Variants in WNT2B observed in about 807,000 individuals in gnomAD.
The protein encoded by WNT2B is protein Wnt-2b.
A neutral mutation model predicts 40.5 loss-of-function variants in WNT2B; 19 were observed. That is an observed-to-expected ratio of 0.47 (90% CI 0.33 to 0.69). WNT2B has a LOEUF of 0.69. Among genes scored for constraint, WNT2B ranks in the 30% least tolerant of loss-of-function variants. The pLI is 0.02. For synonymous variants in WNT2B, 220 were observed against 211.9 expected, an observed-to-expected ratio of 1.04 and a Z score of -0.33; for missense variants, 467 against 556.4, an observed-to-expected ratio of 0.84 and a Z score of 1.62.
chr1:112,466,925 A>C (rs1650726306), exon 1 of WNT2B: 1 of 152,456 alleles, frequency 6.6e-6, no homozygotes, highest in African/African-American at 2.4e-5. Flanking sequence ...TGTGATAGGC[A>C]CTAGGATAGA....
chr1:112,489,748 G>A (rs934035501), intron 1 of WNT2B, among the ~76,000 whole-genome samples: 4 of 151,758 alleles, frequency 2.6e-5, no homozygotes, highest in African/African-American at 9.7e-5. Context: ...GCCAATTCAA[G>A]CTGAAGTTTT....
intron 1 of WNT2B, among the ~76,000 whole-genome samples, chr1:112,476,973 T>C (rs1259643595): frequency 2.0e-5 from 3 of 152,120 alleles, no homozygotes; most frequent in Non-Finnish European, 4.4e-5. Flanking sequence ...CTGTTCTGTG[T>C]GCAACCAAGC....
rs1164973390 is a variant in WNT2B at position 112,475,824 on chromosome 1, C to T, written c.-95+8233C>T. On this transcript the variant is annotated intron_variant, in intron 1 of 4. Transcript: ENST00000256640. Reference sequence around the variant, plus strand: ...GATTTAAGCTAACTATATGAATAATCGCTTACAATTTAAATAGCCTAAACA... The same window carrying T: ...GATTTAAGCTAACTATATGAATAATTGCTTACAATTTAAATAGCCTAAACA... 5.3e-5 allele frequency among the ~76,000 whole-genome samples: 8 copies of T among 152,114 alleles called. 1 individual carries two copies. In the South Asian group the frequency reaches 6.2e-4, roughly 12 times the overall value.
At chr1:112,474,312 A>AT (rs34850561) in intron 1 of WNT2B, among the ~76,000 whole-genome samples, 111 of 150,598 alleles carry the variant, frequency 7.4e-4, no homozygotes, top group Middle Eastern at 3.4e-3. Context: ...CATCTGACTG[A>AT]TTTTTTTTTG....
At chr1:112,519,871 T>G (rs1053262579) in intron 4 of WNT2B, among the ~76,000 whole-genome samples, 1 of 130,390 alleles carries the variant, frequency 7.7e-6, no homozygotes, top group Non-Finnish European at 1.7e-5. Context: ...AGCCCATGCT[T>G]CTTTTTTTTT....
chr1:112,493,535 T>C (rs1651669921), intron 1 of WNT2B, among the ~76,000 whole-genome samples: 1 of 151,906 alleles, frequency 6.6e-6, no homozygotes, highest in Non-Finnish European at 1.5e-5. Context: ...GATGAGAGGA[T>C]CACTTGAGCC....
In WNT2B at chr1:112,517,270, C is replaced by A; in HGVS notation, c.831C>A (p.Ala277=). The A allele has an allele frequency of 6.2e-7, 1 of 1,614,220 alleles. No individual in the cohort carries two copies. The highest frequency in any genetic ancestry group is 8.5e-7 in the Non-Finnish European group (1 of 1,180,038). The change falls in exon 4 of 5, where the codon GCC becomes GCA. Residue 277 remains alanine (A), a synonymous_variant. Coordinates refer to ENST00000369684, the MANE Select transcript of WNT2B (RefSeq NM_024494.3). ...RRYDGAVQVM[A]TQDGANFTAA... The stretch of plus-strand genomic sequence containing the variant: ...ATGATGGGGCTGTGCAGGTGATGGC[C>A]ACCCAAGATGGTGCCAACTTCACCG...
intron 1 of WNT2B, among the ~76,000 whole-genome samples, chr1:112,480,250 C>A (rs1024440108): frequency 1.1e-4 from 16 of 151,374 alleles, no homozygotes; most frequent in Non-Finnish European, 1.5e-5. Context: ...ACTTATAATG[C>A]CAGTTACTTG....
In WNT2B at chr1:112,495,315, G is replaced by A. The variant is rs185950364; in HGVS notation, c.-94-19559G>A. Among the ~76,000 whole-genome samples, 791 of 152,026 alleles carry A rather than the reference G, an allele frequency of 5.2e-3. 9 individuals carry two copies. The highest frequency in any genetic ancestry group is 0.031 in the Middle Eastern group (9 of 294). On this transcript the variant is annotated intron_variant, in intron 1 of 4. Transcript: ENST00000256640. The stretch of plus-strand genomic sequence containing the variant: ...CTATAGGCCAGGCGTGGTGGCTCAC[G>A]TCTGTAATCCCAGCACTTTGGGAGG...
At position 112,520,600 on chromosome 1, in the gene WNT2B, C is replaced by G. The variant is rs1286814123; in HGVS notation, c.*91C>G. ...ATGCACACCTTCCTCCACCCTCCAC[C>G]CTGGGCTGCTACCGCTTCTATTTAA... On this transcript the variant is annotated 3_prime_UTR_variant, in exon 5 of 5. Transcript: ENST00000369684. The G allele has an allele frequency of 5.3e-6, 7 of 1,310,564 alleles. No individual in the cohort carries two copies. In the African/African-American group the frequency reaches 1.0e-4, roughly 19 times the overall value. 81.2% of individuals were successfully genotyped at this position (1,310,564 alleles called of 1,614,324 possible). A position where few individuals can be genotyped will look rare whatever the true frequency, so the allele number is the denominator to read the frequency against.
chr1:112,468,277 A>G (rs1570756483), intron 1 of WNT2B, among the ~76,000 whole-genome samples: 2 of 152,328 alleles, frequency 1.3e-5, no homozygotes, highest in South Asian at 4.1e-4. Context: ...GAACGCAGGC[A>G]TCCCTTTGAT....
chr1:112,502,491 AG>A (rs1424346295), intron 1 of WNT2B, among the ~76,000 whole-genome samples: 2 of 152,252 alleles, frequency 1.3e-5, no homozygotes, highest in African/African-American at 4.8e-5. Context: ...GATTTGGCAG[AG>A]GGAATGCTTT....
intron 1 of WNT2B, among the ~76,000 whole-genome samples, chr1:112,479,092 A>G (rs1248791862): frequency 1.3e-5 from 2 of 151,724 alleles, no homozygotes; most frequent in African/African-American, 4.8e-5. Flanking sequence ...GTAGTGGTAC[A>G]TGCCTGTAAT....
intron 1 of WNT2B, among the ~76,000 whole-genome samples, chr1:112,498,069 T>C (rs1651833126): frequency 6.6e-6 from 1 of 151,756 alleles, no homozygotes; most frequent in African/African-American, 2.4e-5. Flanking sequence ...ACGATCTCTG[T>C]CCCCTTTCCC....
At chr1:112,512,355 G>A (rs761989569) in intron 1 of WNT2B, among the ~76,000 whole-genome samples, 2 of 152,208 alleles carry the variant, frequency 1.3e-5, no homozygotes, top group Non-Finnish European at 2.9e-5. Context: ...GTGGAGTGGT[G>A]CATCCAAACC....
chr1:112,518,683 T>C (rs976785127), intron 4 of WNT2B, among the ~76,000 whole-genome samples: 33 of 152,284 alleles, frequency 2.2e-4, no homozygotes, highest in South Asian at 6.2e-4. Flanking sequence ...AATACACCTT[T>C]AGGGAAGGAA....
Position 112,528,200 on chromosome 1 carries a change from T to A in WNT2B, c.*7691T>A, listed in dbSNP as rs1653775275. 1 of 152,046 alleles carries A rather than the reference T, an allele frequency of 6.6e-6. No individual in the cohort carries two copies. Among genetic ancestry groups the A allele is most frequent in the African/African-American group, 2.4e-5 (1 of 41,390 alleles). The allele number at this position is 152,046 out of a possible 1,614,324, so 9.4% of individuals were successfully genotyped here. On this transcript the variant is annotated 3_prime_UTR_variant, in exon 5 of 5. Transcript: ENST00000369684. ...TGTTTTATGAACTGACTGAGGGCAG[T>A]CAGAAGAAGGCATTCTAAATAGAGG... is the stretch of plus-strand genomic sequence containing the variant.
intron 1 of WNT2B, among the ~76,000 whole-genome samples, chr1:112,474,507 A>T (rs776669113): frequency 1.3e-5 from 2 of 152,244 alleles, no homozygotes; most frequent in Non-Finnish European, 2.9e-5. Context: ...ATGAACAAAC[A>T]TAAAAGAACA....
intron 4 of WNT2B, among the ~76,000 whole-genome samples, chr1:112,519,872 C>CTTCT (rs10634267): frequency 8.9e-4 from 103 of 115,642 alleles, no homozygotes; most frequent in Middle Eastern, 4.5e-3. Flanking sequence ...GCCCATGCTT[C>CTTCT]TTTTTTTTTT....
Sources: gnomAD v4.1 joint callset for allele counts (sites outside exome capture counted in the v4.1 genomes callset) on GRCh38, gnomAD v4.1.1 for gene constraint, MANE v1.5 for transcripts, NCBI Gene and HGNC (gene_info 2026-07-23, HGNC 2026-07-21) for gene names.